Variants in HMGA2 observed in about 807,000 individuals in gnomAD.
HMGA2 encodes the protein high mobility group AT-hook 2.
HMGA2 carries 8 observed loss-of-function variants against 19.1 expected under a neutral mutation model. The ratio of observed to expected loss-of-function variants is 0.42; its 90% CI spans 0.25 to 0.76. HMGA2 has a LOEUF of 0.76. HMGA2 is among the 30% of genes least tolerant of loss of function. HMGA2 has a pLI of 0.28. For missense variants in HMGA2, 109 were observed against 136.3 expected (o/e 0.80, Z 1.00); for synonymous variants, 60 against 48.8 (o/e 1.23, Z -0.96).
intron 3 of HMGA2, among the ~76,000 whole-genome samples, chr12:65,879,529 A>T (rs918659026): frequency 6.6e-6 from 1 of 152,346 alleles, no homozygotes; most frequent in Non-Finnish European, 1.5e-5. Flanking sequence ...GGCCAGAAAA[A>T]AGAGAACAAG....
chr12:65,825,294 G>A lies in HMGA2; in HGVS notation c.24G>A (p.Ala8=). 2 of 1,533,770 alleles carry A rather than the reference G, an allele frequency of 1.3e-6. No homozygotes were observed. Among genetic ancestry groups the A allele is most frequent in the Non-Finnish European group, 1.7e-6 (2 of 1,144,282 alleles). The change falls in exon 1 of 5, where the codon GCG becomes GCA. Residue 8 remains alanine, a synonymous_variant. Coordinates refer to ENST00000403681, the MANE Select transcript of HMGA2 (RefSeq NM_003483.6). This position sits in a 1 kb window ranked among gnomAD's most constrained non-coding sequence, Gnocchi z 4.4. MSARGEG[A]GQPSTSAQGQ... The stretch of plus-strand genomic sequence containing the variant: ...GGATGAGCGCACGCGGTGAGGGCGC[G>A]GGGCAGCCGTCCACTTCAGCCCAGG...
In HMGA2 at chr12:65,860,723, T is replaced by C. The variant is rs560485302; in HGVS notation, c.249+22154T>C. Among the ~76,000 whole-genome samples the C allele has an allele frequency of 2.2e-4, 34 of 152,316 alleles. 2 individuals are homozygous for C. The Middle Eastern group carries it at 0.02, about 91-fold the overall frequency. On this transcript the variant is annotated intron_variant, in intron 3 of 4. Transcript: ENST00000403681. Reference sequence around the variant, plus strand: ...GTTTTTGTTTTTTCAAAAAAGTATGTCCACAGTATTATGTCATTAATTACT... The same window carrying C: ...GTTTTTGTTTTTTCAAAAAAGTATGCCCACAGTATTATGTCATTAATTACT...
chr12:65,910,278 A>G (rs1296081989), intron 3 of HMGA2, among the ~76,000 whole-genome samples: 5 of 152,002 alleles, frequency 3.3e-5, no homozygotes, highest in Admixed American at 6.5e-5. Flanking sequence ...AACCATTCTC[A>G]TGAAACAGGT....
chr12:65,879,205 G>A (rs1340718501), intron 3 of HMGA2, among the ~76,000 whole-genome samples: 1 of 152,166 alleles, frequency 6.6e-6, no homozygotes, highest in African/African-American at 2.4e-5. Flanking sequence ...ACGGCTCACT[G>A]CTGCCTTGAT....
chr12:65,946,314 G>A (rs1876262421), intron 3 of HMGA2, among the ~76,000 whole-genome samples: 1 of 151,956 alleles, frequency 6.6e-6, no homozygotes, highest in Non-Finnish European at 1.5e-5. Flanking sequence ...AACAAAGTGG[G>A]CAAAATCACC....
At chr12:65,890,714 T>G (rs560230591) in intron 3 of HMGA2, among the ~76,000 whole-genome samples, 156 of 151,228 alleles carry the variant, frequency 1.0e-3, no homozygotes, top group Non-Finnish European at 1.7e-3. Context: ...TTTTACCGCT[T>G]CTTCAGTATA....
Position 65,825,199 on chromosome 12 carries a change from A to G in HMGA2, c.-72A>G. 7.4e-7 allele frequency: 1 copy of G among 1,354,858 alleles called. No individual in the cohort carries two copies. The highest frequency in any genetic ancestry group is 1.0e-6 in the Non-Finnish European group (1 of 996,216). 83.9% of individuals were successfully genotyped at this position (1,354,858 alleles called of 1,614,324 possible). On this transcript the variant is annotated 5_prime_UTR_variant, in exon 1 of 5. Coordinates refer to ENST00000403681, the MANE Select transcript of HMGA2 (RefSeq NM_003483.6). This position sits in a 1 kb window ranked among gnomAD's most constrained non-coding sequence, Gnocchi z 4.4. ...CCCAGCCCTATCACCTCATCTCCCGAAAGGTGCTGGGCAGCTCCGGGGCGG... is the reference window on the plus strand; with the variant it reads ...CCCAGCCCTATCACCTCATCTCCCGGAAGGTGCTGGGCAGCTCCGGGGCGG...
intron 3 of HMGA2, among the ~76,000 whole-genome samples, chr12:65,850,102 G>C (rs1565707319): frequency 6.6e-6 from 1 of 152,056 alleles, no homozygotes. Context: ...AATCAGCCAG[G>C]CTTAAAGTTT....
chr12:65,865,744 C>G (rs1872369429), intron 3 of HMGA2, among the ~76,000 whole-genome samples: 1 of 151,180 alleles, frequency 6.6e-6, no homozygotes, highest in Non-Finnish European at 1.5e-5. Flanking sequence ...ACACCATTCT[C>G]CTGCCTCAGC....
At chr12:65,935,354 G>T (rs1875854685) in intron 3 of HMGA2, among the ~76,000 whole-genome samples, 1 of 152,148 alleles carries the variant, frequency 6.6e-6, no homozygotes, top group Non-Finnish European at 1.5e-5. Context: ...ATTTGCTCGA[G>T]AATAATCTAT....
chr12:65,871,592 T>C (rs1872713480), intron 3 of HMGA2, among the ~76,000 whole-genome samples: 1 of 152,346 alleles, frequency 6.6e-6, no homozygotes, highest in Middle Eastern at 3.4e-3. Flanking sequence ...GGCTAAAGAA[T>C]AATGAAGCAG....
chr12:65,831,586 G>A (rs1303815321), intron 2 of HMGA2, among the ~76,000 whole-genome samples: 3 of 151,772 alleles, frequency 2.0e-5, no homozygotes, highest in African/African-American at 7.2e-5. Context: ...TCTAGATAAA[G>A]TAGTTATAGT....
intron 3 of HMGA2, among the ~76,000 whole-genome samples, chr12:65,939,424 C>T (rs776178478): frequency 6.6e-5 from 10 of 151,814 alleles, no homozygotes; most frequent in Non-Finnish European, 1.0e-4. Context: ...GGCGTGATCT[C>T]GGCTCACTGC....
intron 3 of HMGA2, among the ~76,000 whole-genome samples, chr12:65,860,677 C>T (rs1872011842): frequency 6.6e-6 from 1 of 152,166 alleles, no homozygotes; most frequent in African/African-American, 2.4e-5. Context: ...AAAATGATTT[C>T]TTTAAACTGC....
intron 3 of HMGA2, among the ~76,000 whole-genome samples, chr12:65,852,720 A>AT (rs1871537181): frequency 6.6e-6 from 1 of 152,182 alleles, no homozygotes; most frequent in African/African-American, 2.4e-5. Flanking sequence ...TCACAGAGAC[A>AT]TATCAAAAGA....
intron 4 of HMGA2, among the ~76,000 whole-genome samples, chr12:65,960,464 C>T (rs762616992): frequency 6.6e-6 from 1 of 152,134 alleles, no homozygotes; most frequent in Non-Finnish European, 1.5e-5. Context: ...GTACAGAATC[C>T]GCACATGTAA....
chr12:65,827,567 T>C (rs1175148507), intron 1 of HMGA2, among the ~76,000 whole-genome samples: 10 of 152,220 alleles, frequency 6.6e-5, no homozygotes, highest in Non-Finnish European at 1.3e-4. Context: ...ATATGGAAGA[T>C]TGTTGAAATA....
chr12:65,886,735 G>A (rs751609443), intron 3 of HMGA2, among the ~76,000 whole-genome samples: 3 of 152,130 alleles, frequency 2.0e-5, no homozygotes, highest in African/African-American at 4.8e-5. Context: ...AGAGGTGTTC[G>A]AGGAAGGAGG....
intron 3 of HMGA2, among the ~76,000 whole-genome samples, chr12:65,838,986 C>G (rs796630566): frequency 1.1e-5 from 1 of 91,358 alleles, no homozygotes; most frequent in Non-Finnish European, 1.9e-5. Flanking sequence ...CTTTTTCTTT[C>G]TTTTTCTTTT....
Sources: gnomAD v4.1 joint callset for allele counts (sites outside exome capture counted in the v4.1 genomes callset) on GRCh38, gnomAD v4.1.1 for gene constraint, Gnocchi (gnomAD v3.1) non-coding constraint, MANE v1.5 for transcripts, NCBI Gene and HGNC (gene_info 2026-07-23, HGNC 2026-07-21) for gene names.